PCDHA7: variants seen among roughly 807,000 people sequenced by gnomAD.
The protein encoded by PCDHA7 is protocadherin alpha 7.
PCDHA7 carries 37 observed loss-of-function variants against 57.2 expected under a neutral mutation model. The ratio of observed to expected loss-of-function variants is 0.65; its 90% CI spans 0.50 to 0.85. The LOEUF (loss-of-function observed/expected upper bound fraction) is 0.85. Among genes scored for constraint, PCDHA7 ranks in the 40% least tolerant of loss-of-function variants. PCDHA7 has a pLI of 0.00. For missense variants in PCDHA7, 1,188 were observed against 1,241.8 expected (o/e 0.96, Z 0.65); for synonymous variants, 553 against 558.8 (o/e 0.99, Z 0.15).
At chr5:140,878,879 G>A (rs1315306611) in intron 1 of PCDHA7, among the ~76,000 whole-genome samples, 4 of 152,204 alleles carry the variant, frequency 2.6e-5, no homozygotes, top group Admixed American at 6.5e-5. Flanking sequence ...AGCCTTTCAA[G>A]TAGCTGAGAC....
intron 1 of PCDHA7, chr5:140,966,556 A>C (rs2096021446): frequency 8.5e-6 from 4 of 469,720 alleles, no homozygotes; most frequent in Admixed American, 8.7e-5. Context: ...CGAGCGGAGG[A>C]GCTGGAATAT....
chr5:140,928,468 G>A, intron 1 of PCDHA7: 1 of 1,614,154 alleles, frequency 6.2e-7, no homozygotes. Flanking sequence ...TTTCCAAGTA[G>A]AAGGCCGGGA....
In PCDHA7 at chr5:140,842,728, G is replaced by A. The variant is rs2150343168; in HGVS notation, c.2355+5990G>A. 2 of 1,595,050 alleles carry A rather than the reference G, an allele frequency of 1.3e-6. 1 individual carries two copies. Reference sequence around the variant, plus strand: ...CGGTGTTCGTGAAGGAGAACAACCCGCCGGGCTGCCACATCTTCACGGTGT... The same window carrying A: ...CGGTGTTCGTGAAGGAGAACAACCCACCGGGCTGCCACATCTTCACGGTGT... On this transcript the variant is annotated intron_variant, in intron 1 of 3. Transcript: ENST00000525929.
chr5:140,914,944 CTTTTT>C (rs35695909), intron 1 of PCDHA7, among the ~76,000 whole-genome samples: 1 of 128,266 alleles, frequency 7.8e-6, no homozygotes, highest in Non-Finnish European at 1.7e-5. Context: ...GAAAAGTTGT[CTTTTT>C]TTTTTTTTTT....
chr5:140,896,635 C>T (rs539969970), intron 1 of PCDHA7, among the ~76,000 whole-genome samples: 4 of 152,178 alleles, frequency 2.6e-5, no homozygotes, highest in South Asian at 4.1e-4. Context: ...CCTTGGCCTC[C>T]CAAAGTGCTA....
rs188762939 is a variant in PCDHA7 at position 140,839,461 on chromosome 5, C to T, written c.2355+2723C>T. Among the ~76,000 whole-genome samples, 181 of 152,038 alleles carry T rather than the reference C, an allele frequency of 1.2e-3. 3 individuals carry two copies. Among genetic ancestry groups the T allele is most frequent in the Middle Eastern group, 3.4e-3 (1 of 294 alleles). On this transcript the variant is annotated intron_variant, in intron 1 of 3. Transcript: ENST00000525929. The stretch of plus-strand genomic sequence containing the variant: ...CTGCAGTGCAGTGGCACAATCTGGG[C>T]TTACTGCAATCTCTGCCTCCTGGGC...
At chr5:140,869,788 T>C (rs782425741) in intron 1 of PCDHA7, 4 of 1,612,892 alleles carry the variant, frequency 2.5e-6, no homozygotes, top group African/African-American at 1.3e-5. Context: ...CGTTCGGCTG[T>C]TAGTCCAAGT....
intron 1 of PCDHA7, chr5:140,876,814 G>A (rs571648883): frequency 1.1e-5 from 18 of 1,614,108 alleles, no homozygotes; most frequent in Non-Finnish European, 1.5e-5. Context: ...GGTGGCCGAC[G>A]TGAACGACAA....
intron 1 of PCDHA7, chr5:140,852,607 C>A: frequency 1.1e-6 from 1 of 915,386 alleles, no homozygotes; most frequent in Non-Finnish European, 1.3e-6. Context: ...CATTTTCTTT[C>A]AAAACTTGAG....
At chr5:140,882,080 C>A in intron 1 of PCDHA7, 1 of 970,966 alleles carries the variant, frequency 1.0e-6, no homozygotes, top group Non-Finnish European at 1.5e-6. Flanking sequence ...CATGGTGTCG[C>A]TCTTCACTGA....
At position 140,835,712 on chromosome 5, in the gene PCDHA7, G is replaced by C; in HGVS notation, c.1329G>C (p.Val443=). 6.2e-7 allele frequency: 1 copy of C among 1,613,796 alleles called. No individual in the cohort carries two copies. The highest frequency in any genetic ancestry group is 8.5e-7 in the Non-Finnish European group (1 of 1,179,842). The change falls in exon 1 of 4, where the codon GTG becomes GTC. Residue 443 remains valine (V), a synonymous_variant. Coordinates refer to ENST00000525929, the MANE Select transcript of PCDHA7 (RefSeq NM_018910.3). Reference sequence around the variant, plus strand: ...TGTGGGCCACTGCTAGCGTGTCCGTGGAGGTGGCCGACGTGAACGACAACG... The same window carrying C: ...TGTGGGCCACTGCTAGCGTGTCCGTCGAGGTGGCCGACGTGAACGACAACG... ...PSLWATASVS[V]EVADVNDNAP...
At chr5:140,975,917 A>C (rs1287006605) in intron 1 of PCDHA7, among the ~76,000 whole-genome samples, 1 of 152,220 alleles carries the variant, frequency 6.6e-6, no homozygotes, top group Non-Finnish European at 1.5e-5. Context: ...TATTCTACCA[A>C]AAGACTAACC....
chr5:140,886,102 G>A (rs1040004596), intron 1 of PCDHA7, among the ~76,000 whole-genome samples: 17 of 152,136 alleles, frequency 1.1e-4, no homozygotes, highest in Admixed American at 1.3e-4. Flanking sequence ...CATTGATACA[G>A]TAAAGAAGTA....
intron 1 of PCDHA7, chr5:140,871,327 C>T (rs782093100): frequency 6.2e-6 from 10 of 1,613,984 alleles, no homozygotes; most frequent in East Asian, 4.5e-5. Context: ...GGTGTGCTCC[C>T]GCGCGGTGGG....
intron 1 of PCDHA7, among the ~76,000 whole-genome samples, chr5:140,896,747 G>C (rs1162214018): frequency 1.3e-5 from 2 of 152,070 alleles, no homozygotes; most frequent in Admixed American, 1.3e-4. Context: ...ATAGATTCTG[G>C]ATATTAGACC....
chr5:140,906,629 C>T (rs1554192599), intron 1 of PCDHA7, among the ~76,000 whole-genome samples: 1 of 152,222 alleles, frequency 6.6e-6, no homozygotes, highest in Non-Finnish European at 1.5e-5. Context: ...CTTCAGCAAG[C>T]ACCTCAGCAG....
chr5:140,903,146 C>A (rs2070035349), intron 1 of PCDHA7, among the ~76,000 whole-genome samples: 1 of 152,178 alleles, frequency 6.6e-6, no homozygotes, highest in South Asian at 2.1e-4. Flanking sequence ...AAACTGTTTT[C>A]CATAGTGGTT....
intron 1 of PCDHA7, chr5:140,837,285 A>T (rs944502999): frequency 6.6e-6 from 1 of 151,990 alleles, no homozygotes; most frequent in Admixed American, 6.6e-5. Flanking sequence ...CTTCTTTTTA[A>T]CTTACTTTGT....
intron 1 of PCDHA7, among the ~76,000 whole-genome samples, chr5:140,887,705 T>G (rs1016402630): frequency 6.6e-6 from 1 of 152,172 alleles, no homozygotes; most frequent in Non-Finnish European, 1.5e-5. Context: ...TCAACCATAC[T>G]TCTTCTAATA....
Sources: gnomAD v4.1 joint callset for allele counts (sites outside exome capture counted in the v4.1 genomes callset) on GRCh38, gnomAD v4.1.1 for gene constraint, MANE v1.5 for transcripts, NCBI Gene and HGNC (gene_info 2026-07-23, HGNC 2026-07-21) for gene names.